SLC10A3: variants seen among roughly 807,000 people sequenced by gnomAD.
The protein encoded by SLC10A3 is solute carrier family 10 member 3, also known as P3 protein.
A neutral mutation model predicts 1.9 loss-of-function variants in SLC10A3; 1 was observed. The observed-to-expected ratio is 0.52, with a 90% CI of 0.19 to 2.48. The LOEUF is 2.48. Among genes scored for constraint, SLC10A3 ranks in the 30% most tolerant of loss-of-function variants. The probability of loss-of-function intolerance (pLI) is 0.25; values close to 1 mark genes in which losing one functional copy is unlikely to be tolerated. For missense variants in SLC10A3, 317 were observed against 398.5 expected (o/e 0.80, Z 1.74); for synonymous variants, 202 against 189.3 (o/e 1.07, Z -0.55).
chrX:154,488,472 G>T lies in SLC10A3; in HGVS notation c.469C>A (p.Pro157Thr). Residue 157 changes from proline to threonine, a missense_variant, in exon 2 of 2, where the codon CCC (proline) becomes ACC (threonine). Transcript: ENST00000651600. The part of the protein sequence containing the change: ...IQLVDAHEAP[P>T]TLIEERRDFC... ...TCTCTCCGCTCCTCAATCAGTGTGG[G>T]CGGGGCCTCATGGGCGTCCACGAGC... 2 of 1,210,390 alleles carry T rather than the reference G, an allele frequency of 1.7e-6. No homozygotes were observed. The highest frequency in any genetic ancestry group is 2.2e-6 in the Non-Finnish European group (2 of 894,660).
rs782103339 is a variant in SLC10A3, at chrX:154,488,654, G to A, written c.287C>T (p.Ala96Val). 3.6e-5 allele frequency: 44 copies of A among 1,209,871 alleles called. No homozygotes were observed. Among genetic ancestry groups the A allele is most frequent in the Non-Finnish European group, 4.7e-5 (42 of 894,835 alleles). The change falls in exon 2 of 2, where the codon GCC (alanine) becomes GTC (valine). Residue 96 changes from alanine (A) to valine (V), a missense_variant. Ala to Val is a moderately conservative substitution (Grantham distance 64). Coordinates refer to ENST00000651600, the MANE Select transcript of SLC10A3 (RefSeq NM_019848.5). ...IVISSQYPGQ[A>V]NRTAPGPMLR... ...CATGGGGCCAGGCGCCGTCCTGTTG[G>A]CCTGGCCTGGGTACTGGCTGGAGAT...
Position 154,487,787 on chromosome X carries a change from A to G in SLC10A3, c.1154T>C (p.Ile385Thr). 1 of 1,210,785 alleles carries G rather than the reference A, an allele frequency of 8.3e-7. No individual in the cohort carries two copies. Among genetic ancestry groups the G allele is most frequent in the Non-Finnish European group, 1.1e-6 (1 of 895,223 alleles). Residue 385 changes from isoleucine to threonine, a missense_variant, in exon 2 of 2, where the codon ATC (isoleucine) becomes ACC (threonine). Coordinates refer to ENST00000651600, the MANE Select transcript of SLC10A3 (RefSeq NM_019848.5). ...VFILAGIRLP[I>T]VLVGITVPLV... ...GGGCACCGTGATACCCACCAGTACG[A>G]TGGGTAGCCGGATGCCTGCCAGGAT...
intron 1 of SLC10A3, chrX:154,489,926 A>G: frequency 9.4e-7 from 1 of 1,060,242 alleles, no homozygotes; most frequent in East Asian, 3.8e-5. Context: ...GCTGGCTTGA[A>G]GTTCGGGTCA....
At position 154,488,807 on chromosome X, in the gene SLC10A3, G is replaced by C; in HGVS notation, c.134C>G (p.Thr45Arg). The C allele has an allele frequency of 2.5e-6, 3 of 1,211,132 alleles. No individual in the cohort carries two copies. The highest frequency in any genetic ancestry group is 3.4e-6 in the Non-Finnish European group (3 of 895,203). Reference protein sequence around the residue: ...LISLPWGAQGTASTSLSTAGG... With the variant: ...LISLPWGAQGRASTSLSTAGG... ...AGCAGTGCTGAGGCTGGTGCTGGCTGTCCCTTGGGCCCCCCATGGCAGGCT... is the reference window on the plus strand; with the variant it reads ...AGCAGTGCTGAGGCTGGTGCTGGCTCTCCCTTGGGCCCCCCATGGCAGGCT... The change falls in exon 2 of 2, where the codon ACA (threonine) becomes AGA (arginine). Residue 45 changes from threonine (T) to arginine (R), a missense_variant. By Grantham distance (71) the Thr-to-Arg change is moderately conservative (BLOSUM62 -1). Coordinates refer to ENST00000651600, the MANE Select transcript of SLC10A3 (RefSeq NM_019848.5).
rs1450350260 is a variant in SLC10A3, at chrX:154,490,569, C to A, written c.-405G>T. On this transcript the variant is annotated 5_prime_UTR_variant, in exon 1 of 2. Transcript: ENST00000651600. ...CGCGGAGCAGGGTCGGGGCCAGAGGCCGCCTCCCTTCCGGAGGCTCTCACC... is the reference window on the plus strand; with the variant it reads ...CGCGGAGCAGGGTCGGGGCCAGAGGACGCCTCCCTTCCGGAGGCTCTCACC... 8.4e-6 allele frequency: 1 copy of A among 118,490 alleles called. No homozygotes were observed. Among genetic ancestry groups the A allele is most frequent in the African/African-American group, 3.2e-5 (1 of 31,185 alleles). The allele number at this position is 118,490 out of a possible 1,213,427, so 9.8% of individuals were successfully genotyped here. A position where few individuals can be genotyped will look rare whatever the true frequency, so the allele number is the denominator to read the frequency against.
Position 154,490,389 on chromosome X carries a change from C to A in SLC10A3, c.-225G>T. ...AGGGAGGAAAGGAAGGGCACGCCGC[C>A]GTCCCACAGCCGGCGACCCGCTCGG... On this transcript the variant is annotated 5_prime_UTR_variant, in exon 1 of 2. Transcript: ENST00000651600. The A allele has an allele frequency of 1.3e-6, 1 of 752,375 alleles. No homozygotes were observed. The highest frequency in any genetic ancestry group is 6.8e-5 in the South Asian group (1 of 14,729). 62.0% of individuals were successfully genotyped at this position (752,375 alleles called of 1,213,427 possible).
At position 154,487,405 on chromosome X, in the gene SLC10A3, A is replaced by C; in HGVS notation, c.*102T>G. 1 of 1,043,351 alleles carries C rather than the reference A, an allele frequency of 9.6e-7. No homozygotes were observed. The highest frequency in any genetic ancestry group is 1.3e-6 in the Non-Finnish European group (1 of 778,492). The allele number at this position is 1,043,351 out of a possible 1,213,427, so 86.0% of individuals were successfully genotyped here. On this transcript the variant is annotated 3_prime_UTR_variant, in exon 2 of 2. Transcript: ENST00000651600. ...TGGCACTGAAAGCTGGAGAATAAAA[A>C]ATCAGTAAAAAAAATAAGCCTGGAT...
chrX:154,488,790 T>C lies in SLC10A3; in HGVS notation c.151A>G (p.Ser51Gly), dbSNP rs1569555131. The C allele has an allele frequency of 8.3e-7, 1 of 1,210,609 alleles. No individual in the cohort carries two copies. Among genetic ancestry groups the C allele is most frequent in the South Asian group, 1.8e-5 (1 of 57,018 alleles). Residue 51 changes from serine to glycine, a missense_variant, in exon 2 of 2, where the codon AGC (serine) becomes GGC (glycine). Physicochemically the swap from Ser to Gly is moderately conservative, Grantham distance 56. Coordinates refer to ENST00000651600, the MANE Select transcript of SLC10A3 (RefSeq NM_019848.5). The part of the protein sequence containing the change: ...GAQGTASTSL[S>G]TAGGHTVPPT... ...GGCACGGTGTGACCCCCAGCAGTGCTGAGGCTGGTGCTGGCTGTCCCTTGG... is the reference window on the plus strand; with the variant it reads ...GGCACGGTGTGACCCCCAGCAGTGCCGAGGCTGGTGCTGGCTGTCCCTTGG...
chrX:154,489,873 C>A (rs1319935824), intron 1 of SLC10A3: 21 of 985,122 alleles, frequency 2.1e-5, no homozygotes, highest in Middle Eastern at 2.8e-4. Flanking sequence ...AGGCTCATCC[C>A]GGCGAGCCTC....
rs781879479 is a variant in SLC10A3 at position 154,488,919 on chromosome X, C to A, written c.22G>T (p.Gly8Cys). The A allele has an allele frequency of 8.3e-6, 10 of 1,209,700 alleles. No individual in the cohort carries two copies. In the Admixed American group the frequency reaches 2.2e-4, roughly 26 times the overall value. Residue 8 changes from glycine to cysteine, a missense_variant, in exon 2 of 2, where the codon GGC becomes TGC. By Grantham distance (159) the Gly-to-Cys change is radical (BLOSUM62 -3). Coordinates refer to ENST00000651600, the MANE Select transcript of SLC10A3 (RefSeq NM_019848.5). MVLMQDK[G>C]SSQQWPGLGG... ...AGACCAGGCCACTGCTGAGAGCTGC[C>A]CTTGTCCTGCATTAACACCATGGCT...
Position 154,488,109 on chromosome X carries a change from C to G in SLC10A3, c.832G>C (p.Gly278Arg). The G allele has an allele frequency of 8.3e-7, 1 of 1,211,307 alleles. No homozygotes were observed. Among genetic ancestry groups the G allele is most frequent in the Non-Finnish European group, 1.1e-6 (1 of 895,456 alleles). The change falls in exon 2 of 2, where the codon GGA becomes CGA. Residue 278 changes from glycine to arginine, a missense_variant. Gly to Arg is a moderately radical substitution (Grantham distance 125). Transcript: ENST00000651600. The part of the protein sequence containing the change: ...GGSYLFSLLL[G>R]GDVTLAISMT... ...GAGATGGCCAGGGTGACGTCCCCTC[C>G]AAGAAGGAGGCTGAAGAGGTAGCTC...
chrX:154,487,482 C>T lies in SLC10A3; in HGVS notation c.*25G>A. On this transcript the variant is annotated 3_prime_UTR_variant, in exon 2 of 2. Transcript: ENST00000651600. ...CTTTGGTGGAGTGTGGGGGCTGGGGCTGATGAAAGCTTGACCCAGAGGCCT... is the reference window on the plus strand; with the variant it reads ...CTTTGGTGGAGTGTGGGGGCTGGGGTTGATGAAAGCTTGACCCAGAGGCCT... 8.3e-7 allele frequency: 1 copy of T among 1,209,390 alleles called. No individual in the cohort carries two copies. The highest frequency in any genetic ancestry group is 1.1e-6 in the Non-Finnish European group (1 of 894,535).
At position 154,488,560 on chromosome X, in the gene SLC10A3, G is replaced by A. The variant is rs781795057; in HGVS notation, c.381C>T (p.Gly127=). ...GGATGCTCACCACAAAGCCACCCCC[G>A]CCTCCCCAGGTTATAGCACTCACGT... ...IKNVSAITWG[G]GGGFVVSIHS... The change falls in exon 2 of 2, where the codon GGC becomes GGT. Residue 127 remains glycine, a synonymous_variant. Transcript: ENST00000651600. The A allele has an allele frequency of 1.2e-5, 15 of 1,208,290 alleles. No individual in the cohort carries two copies. In the African/African-American group the frequency reaches 2.1e-4, roughly 17 times the overall value.
Position 154,487,420 on chromosome X carries a change from T to A in SLC10A3, c.*87A>T. The A allele has an allele frequency of 9.2e-7, 1 of 1,091,630 alleles. No individual in the cohort carries two copies. The allele number at this position is 1,091,630 out of a possible 1,213,427, so 90.0% of individuals were successfully genotyped here. A position where few individuals can be genotyped will look rare whatever the true frequency, so the allele number is the denominator to read the frequency against. The stretch of plus-strand genomic sequence containing the variant: ...GAGAATAAAAAATCAGTAAAAAAAA[T>A]AAGCCTGGATTTTTCTGAGTGCATA... On this transcript the variant is annotated 3_prime_UTR_variant, in exon 2 of 2. Coordinates refer to ENST00000651600, the MANE Select transcript of SLC10A3 (RefSeq NM_019848.5).
At chrX:154,489,941 C>T (rs989546587) in intron 1 of SLC10A3, 11 of 1,071,965 alleles carry the variant, frequency 1.0e-5, no homozygotes, top group Middle Eastern at 2.6e-4. Context: ...GGGTCACTTA[C>T]CCTGGAGGCC....
In SLC10A3 at chrX:154,487,796, C is replaced by T. The variant is rs782136909; in HGVS notation, c.1145G>A (p.Arg382Gln). 7.4e-6 allele frequency: 9 copies of T among 1,210,434 alleles called. No homozygotes were observed. Among genetic ancestry groups the T allele is most frequent in the South Asian group, 7.0e-5 (4 of 56,937 alleles). Reference sequence around the variant, plus strand: ...GATACCCACCAGTACGATGGGTAGCCGGATGCCTGCCAGGATGAAGACCCC... The same window carrying T: ...GATACCCACCAGTACGATGGGTAGCTGGATGCCTGCCAGGATGAAGACCCC... ...RMGVFILAGI[R>Q]LPIVLVGITV... is the part of the protein sequence containing the mutation. Residue 382 changes from arginine (R) to glutamine (Q), a missense_variant, in exon 2 of 2, where the codon CGG becomes CAG. Physicochemically the swap from Arg to Gln is conservative, Grantham distance 43 (BLOSUM62 1). Coordinates refer to ENST00000651600, the MANE Select transcript of SLC10A3 (RefSeq NM_019848.5).
chrX:154,488,472 G>C lies in SLC10A3; in HGVS notation c.469C>G (p.Pro157Ala), dbSNP rs1557213791. ...IQLVDAHEAP[P>A]TLIEERRDFC... ...TCTCTCCGCTCCTCAATCAGTGTGGGCGGGGCCTCATGGGCGTCCACGAGC... is the reference window on the plus strand; with the variant it reads ...TCTCTCCGCTCCTCAATCAGTGTGGCCGGGGCCTCATGGGCGTCCACGAGC... The change falls in exon 2 of 2, where the codon CCC becomes GCC. Residue 157 changes from proline to alanine, a missense_variant. Physicochemically the swap from Pro to Ala is conservative, Grantham distance 27. Coordinates refer to ENST00000651600, the MANE Select transcript of SLC10A3 (RefSeq NM_019848.5). 2.5e-6 allele frequency: 3 copies of C among 1,210,390 alleles called. No homozygotes were observed. The highest frequency in any genetic ancestry group is 4.3e-5 in the Admixed American group (2 of 46,059).
At position 154,490,461 on chromosome X, in the gene SLC10A3, G is replaced by C; in HGVS notation, c.-297C>G. On this transcript the variant is annotated 5_prime_UTR_variant, in exon 1 of 2. Transcript: ENST00000651600. ...GCCCCTTACGCCATTCCTGGGCCCCGCGGCCCCGCCAGGCCTCGCAAACGC... is the reference window on the plus strand; with the variant it reads ...GCCCCTTACGCCATTCCTGGGCCCCCCGGCCCCGCCAGGCCTCGCAAACGC... 2 of 596,147 alleles carry C rather than the reference G, an allele frequency of 3.4e-6. No homozygotes were observed. The highest frequency in any genetic ancestry group is 4.0e-6 in the Non-Finnish European group (2 of 495,196). 49.1% of individuals were successfully genotyped at this position (596,147 alleles called of 1,213,427 possible).
chrX:154,489,403 C>T (rs782384216), intron 1 of SLC10A3: 25 of 752,854 alleles, frequency 3.3e-5, no homozygotes, highest in African/African-American at 4.6e-5. Context: ...CCAGAAGGGG[C>T]GGCAGGAGTG....
Sources: allele counts gnomAD v4.1 joint callset, GRCh38; gene constraint gnomAD v4.1.1; transcripts MANE v1.5; gene names NCBI Gene and HGNC (gene_info 2026-07-23, HGNC 2026-07-21).